HDX: variants seen among roughly 807,000 people sequenced by gnomAD.
HDX encodes highly divergent homeobox.
In HDX, 19 loss-of-function variants were observed where a neutral mutation model predicts 45.2. That is an observed-to-expected ratio of 0.42 (90% CI 0.29 to 0.62). The LOEUF (loss-of-function observed/expected upper bound fraction) is 0.62. Among genes scored for constraint, HDX ranks in the 20% least tolerant of loss-of-function variants. The pLI, the probability that HDX is intolerant of heterozygous loss-of-function variation, is 0.20. For missense variants in HDX, 532 were observed against 493.9 expected (o/e 1.08, Z -0.73); for synonymous variants, 188 against 172.8 (o/e 1.09, Z -0.69).
At chrX:84,464,862 AG>A (rs2040312586) in intron 4 of HDX, among the ~76,000 whole-genome samples, 1 of 112,030 alleles carries the variant, frequency 8.9e-6, no homozygotes, top group Non-Finnish European at 1.9e-5. Flanking sequence ...GCACAGCAAA[AG>A]AAACTATCAT....
intron 5 of HDX, among the ~76,000 whole-genome samples, chrX:84,417,347 A>C (rs761354327): frequency 3.6e-5 from 4 of 111,922 alleles, no homozygotes; most frequent in Non-Finnish European, 5.6e-5. Flanking sequence ...TTCAGATAAG[A>C]AGTTGTGGTA....
intron 3 of HDX, among the ~76,000 whole-genome samples, chrX:84,471,005 A>T (rs2040444556): frequency 8.9e-6 from 1 of 111,751 alleles, no homozygotes; most frequent in Non-Finnish European, 1.9e-5. Context: ...ATATTTTCCT[A>T]AAAAACGAAT....
intron 5 of HDX, among the ~76,000 whole-genome samples, chrX:84,387,726 A>G (rs1281996968): frequency 1.8e-5 from 2 of 111,502 alleles, no homozygotes; most frequent in African/African-American, 3.3e-5. Flanking sequence ...TGTGAGATGG[A>G]TCTCTTGAAG....
chrX:84,438,771 C>A (rs781400222), intron 5 of HDX, among the ~76,000 whole-genome samples: 2 of 111,460 alleles, frequency 1.8e-5, no homozygotes, highest in African/African-American at 6.5e-5. Context: ...ATATGTACCA[C>A]ATATACTTCA....
In HDX at chrX:84,379,978, A is replaced by G. The variant is rs2038149346; in HGVS notation, c.1306-18366T>C. 2.7e-5 allele frequency among the ~76,000 whole-genome samples: 3 copies of G among 111,184 alleles called. No homozygotes were observed. In the Admixed American group the frequency reaches 2.9e-4, roughly 11 times the overall value. On this transcript the variant is annotated intron_variant, in intron 5 of 10. Coordinates refer to ENST00000373177, the MANE Select transcript of HDX (RefSeq NM_001177479.2). ...GCAACATTGACAAACCTTTAGCGAC[A>G]CTAACAAAAACAAAAAGAGAAGATA...
chrX:84,450,484 A>G lies in HDX; in HGVS notation c.1252-9899T>C, dbSNP rs761482742. ...CAATGATAAAGGGATCAATCCAGCAAAAGGATATAAAAATTCTAAGCATAT... is the reference window on the plus strand; with the variant it reads ...CAATGATAAAGGGATCAATCCAGCAGAAGGATATAAAAATTCTAAGCATAT... On this transcript the variant is annotated intron_variant, in intron 4 of 10. Coordinates refer to ENST00000373177, the MANE Select transcript of HDX (RefSeq NM_001177479.2). 6.2e-5 allele frequency among the ~76,000 whole-genome samples: 7 copies of G among 112,080 alleles called. No homozygotes were observed. The South Asian group carries it at 2.6e-3, about 42-fold the overall frequency.
chrX:84,479,059 T>G (rs2040614313), intron 2 of HDX, among the ~76,000 whole-genome samples: 2 of 111,973 alleles, frequency 1.8e-5, no homozygotes, highest in African/African-American at 6.5e-5. Flanking sequence ...TATTGTACTT[T>G]TTATCCATTA....
intron 5 of HDX, among the ~76,000 whole-genome samples, chrX:84,385,752 T>G (rs753296682): frequency 1.4e-4 from 16 of 110,501 alleles, no homozygotes; most frequent in African/African-American, 4.9e-4. Flanking sequence ...AGTTGCCTTT[T>G]TTTTACAGTC....
intron 5 of HDX, among the ~76,000 whole-genome samples, chrX:84,415,754 A>T (rs758259749): frequency 8.9e-6 from 1 of 112,476 alleles, no homozygotes; most frequent in South Asian, 3.7e-4. Flanking sequence ...ACTGATACAG[A>T]CTGTCCATTT....
intron 5 of HDX, among the ~76,000 whole-genome samples, chrX:84,380,671 A>G (rs917993881): frequency 7.2e-5 from 8 of 111,460 alleles, no homozygotes; most frequent in Non-Finnish European, 1.9e-5. Context: ...ATAAAATTCA[A>G]CATTGCTTCA....
chrX:84,323,729 A>G (rs2036647300), intron 10 of HDX, among the ~76,000 whole-genome samples: 1 of 112,081 alleles, frequency 8.9e-6, no homozygotes, highest in African/African-American at 3.2e-5. Flanking sequence ...TTTGCAACTG[A>G]AAAAAATCTT....
intron 5 of HDX, among the ~76,000 whole-genome samples, chrX:84,369,922 G>T (rs1011395249): frequency 8.9e-6 from 1 of 111,994 alleles, no homozygotes; most frequent in Non-Finnish European, 1.9e-5. Flanking sequence ...GTATCTTTGT[G>T]GTAGTTAATT....
chrX:84,325,479 T>A (rs1225095797), intron 10 of HDX, among the ~76,000 whole-genome samples: 1 of 111,785 alleles, frequency 8.9e-6, no homozygotes, highest in African/African-American at 3.2e-5. Context: ...ACATTTATTA[T>A]AATTCTATAG....
At chrX:84,470,845 A>C (rs2040440922) in intron 3 of HDX, among the ~76,000 whole-genome samples, 1 of 111,326 alleles carries the variant, frequency 9.0e-6, no homozygotes, top group South Asian at 3.7e-4. Flanking sequence ...TAAACACCAA[A>C]GCACATTAAT....
intron 1 of HDX, among the ~76,000 whole-genome samples, chrX:84,493,231 G>T (rs1414085623): frequency 8.9e-6 from 1 of 111,973 alleles, no homozygotes; most frequent in Non-Finnish European, 1.9e-5. Flanking sequence ...AATACTATGA[G>T]AGTATATTAT....
chrX:84,499,980 T>C lies in HDX; in HGVS notation c.-110+2362A>G, dbSNP rs146869938. 5.1e-3 allele frequency: 573 copies of C among 112,344 alleles called. 4 individuals carry two copies. Among genetic ancestry groups the C allele is most frequent in the African/African-American group, 0.018 (546 of 30,987 alleles). The allele number at this position is 112,344 out of a possible 1,213,427, so 9.3% of individuals were successfully genotyped here. A position where few individuals can be genotyped will look rare whatever the true frequency, so the allele number is the denominator to read the frequency against. On this transcript the variant is annotated intron_variant, in intron 1 of 10. Coordinates refer to ENST00000373177, the MANE Select transcript of HDX (RefSeq NM_001177479.2). The stretch of plus-strand genomic sequence containing the variant: ...TGTAATAAAAAGTGAGTAATTTGTG[T>C]ATTTTTAAAGATACATGATACAATG...
intron 5 of HDX, among the ~76,000 whole-genome samples, chrX:84,402,665 G>A (rs1188656713): frequency 9.0e-6 from 1 of 111,388 alleles, no homozygotes; most frequent in Non-Finnish European, 1.9e-5. Context: ...GGATTTGTGA[G>A]AATGTAAATT....
At chrX:84,342,051 A>G (rs2037097319) in intron 7 of HDX, among the ~76,000 whole-genome samples, 1 of 110,956 alleles carries the variant, frequency 9.0e-6, no homozygotes, top group Non-Finnish European at 1.9e-5. Context: ...TTCTCACTTA[A>G]CTAAATCTTC....
chrX:84,337,234 T>C (rs2036986025), intron 7 of HDX, among the ~76,000 whole-genome samples: 1 of 111,140 alleles, frequency 9.0e-6, no homozygotes, highest in East Asian at 2.8e-4. Context: ...TATTCATGGT[T>C]TACTGGCAAG....
Sources: gnomAD v4.1 joint callset for allele counts (sites outside exome capture counted in the v4.1 genomes callset) on GRCh38, gnomAD v4.1.1 for gene constraint, MANE v1.5 for transcripts, NCBI Gene and HGNC (gene_info 2026-07-23, HGNC 2026-07-21) for gene names.